Variants in ESCO1 observed in about 807,000 individuals in gnomAD.
ESCO1 encodes establishment of sister chromatid cohesion N-acetyltransferase 1, also known as N-acetyltransferase ESCO1.
Under a neutral mutation model 83.5 loss-of-function variants are expected in ESCO1, and 33 were observed. That is an observed-to-expected ratio of 0.40 (90% CI 0.30 to 0.53). The LOEUF (loss-of-function observed/expected upper bound fraction) is 0.53, where lower values mean the gene tolerates loss of function less well. ESCO1 is among the 20% of genes least tolerant of loss of function. The pLI is 0.63. For missense variants in ESCO1, 855 were observed against 968.0 expected (o/e 0.88, Z 1.55); for synonymous variants, 332 against 324.3 (o/e 1.02, Z -0.25).
At position 21,574,796 on chromosome 18, in the gene ESCO1, AG is replaced by A; in HGVS notation, c.47del (p.Thr16IlefsTer20). On this transcript the variant is annotated frameshift_variant, in exon 4 of 12. Transcript: ENST00000269214. LOFTEE classifies it high-confidence loss of function. ...EKSKENSSKV[T>X]KKSDDKNSET... is the part of the protein sequence containing the mutation. ...CTGAATTCTTATCGTCACTTTTTTT[AG>A]TAACTTTGGAGGAATTCTCTTTTGA... is the stretch of plus-strand genomic sequence containing the variant. 6.3e-7 allele frequency: 1 copy of A among 1,599,258 alleles called. No homozygotes were observed. The highest frequency in any genetic ancestry group is 8.5e-7 in the Non-Finnish European group (1 of 1,179,092).
chr18:21,561,250 TAGTCCTAA>T (rs1410234750), intron 7 of ESCO1, among the ~76,000 whole-genome samples: 3 of 152,184 alleles, frequency 2.0e-5, no homozygotes, highest in Non-Finnish European at 4.4e-5. Flanking sequence ...ATTACAAACT[TAGTCCTAA>T]AGCCCCAAAT....
chr18:21,545,265 T>A (rs1250138366), intron 8 of ESCO1, among the ~76,000 whole-genome samples: 1 of 152,098 alleles, frequency 6.6e-6, no homozygotes, highest in South Asian at 2.1e-4. Context: ...TATAAGTCAG[T>A]AAAAATTTTA....
At chr18:21,553,801 G>A (rs532914600) in intron 8 of ESCO1, among the ~76,000 whole-genome samples, 53 of 149,880 alleles carry the variant, frequency 3.5e-4, no homozygotes, top group African/African-American at 1.3e-3. Context: ...AGGTTGCAGT[G>A]AGCCGAGATT....
At position 21,529,457 on chromosome 18, in the gene ESCO1, A is replaced by G. The variant is rs1423103493; in HGVS notation, c.*886T>C. On this transcript the variant is annotated 3_prime_UTR_variant, in exon 12 of 12. Coordinates refer to ENST00000269214, the MANE Select transcript of ESCO1 (RefSeq NM_052911.3). ...CAAAATGAAGTCCAGTAATGAGGGC[A>G]TATACTCAGTGCAGTATTTCTGAGG... 2 of 152,286 alleles carry G rather than the reference A, an allele frequency of 1.3e-5. No homozygotes were observed. Among genetic ancestry groups the G allele is most frequent in the Admixed American group, 1.3e-4 (2 of 15,286 alleles). The allele number at this position is 152,286 out of a possible 1,614,324, so 9.4% of individuals were successfully genotyped here. A position where few individuals can be genotyped will look rare whatever the true frequency, so the allele number is the denominator to read the frequency against.
At chr18:21,581,072 G>T (rs997746206) in intron 2 of ESCO1, among the ~76,000 whole-genome samples, 11 of 152,108 alleles carry the variant, frequency 7.2e-5, no homozygotes, top group Admixed American at 5.9e-4. Context: ...AGCACTTTGG[G>T]AGGCCGAGGC....
At chr18:21,547,023 T>C (rs1164646530) in intron 8 of ESCO1, among the ~76,000 whole-genome samples, 1 of 152,232 alleles carries the variant, frequency 6.6e-6, no homozygotes, top group Non-Finnish European at 1.5e-5. Context: ...CTTGGCCTGA[T>C]ATGCCTTTGC....
intron 9 of ESCO1, among the ~76,000 whole-genome samples, chr18:21,537,327 G>C (rs770403463): frequency 6.6e-6 from 1 of 152,184 alleles, no homozygotes; most frequent in Non-Finnish European, 1.5e-5. Context: ...GCTGAGGCTA[G>C]AGGAGTTCAA....
At chr18:21,534,891 T>C (rs2037814165) in intron 10 of ESCO1, among the ~76,000 whole-genome samples, 1 of 151,898 alleles carries the variant, frequency 6.6e-6, no homozygotes. Flanking sequence ...CTCAAATTGC[T>C]GGGATTACAG....
intron 7 of ESCO1, among the ~76,000 whole-genome samples, chr18:21,561,997 G>T (rs1348895278): frequency 6.6e-6 from 1 of 152,048 alleles, no homozygotes. Context: ...TCCTGCCTCA[G>T]CCTCCTGAGT....
In ESCO1 at chr18:21,554,679, G is replaced by A. The variant is rs1044106437; in HGVS notation, c.1953+6180C>T. On this transcript the variant is annotated intron_variant, in intron 8 of 11. Coordinates refer to ENST00000269214, the MANE Select transcript of ESCO1 (RefSeq NM_052911.3). ...AATCTCGGCACTTTGGGAGACGGAGGGGGCAGATCATTTGAGGTCAGAAGT... is the reference window on the plus strand; with the variant it reads ...AATCTCGGCACTTTGGGAGACGGAGAGGGCAGATCATTTGAGGTCAGAAGT... Among the ~76,000 whole-genome samples, 36 of 152,172 alleles carry A rather than the reference G, an allele frequency of 2.4e-4. 1 individual carries two copies. The highest frequency in any genetic ancestry group is 8.0e-4 in the African/African-American group (33 of 41,502).
intron 1 of ESCO1, among the ~76,000 whole-genome samples, chr18:21,586,978 T>C (rs1043968704): frequency 2.6e-5 from 4 of 152,230 alleles, no homozygotes; most frequent in Admixed American, 6.5e-5. Flanking sequence ...AGATTTTTTT[T>C]CTGCATCTAT....
At chr18:21,565,770 C>T (rs2038251344) in intron 6 of ESCO1, among the ~76,000 whole-genome samples, 1 of 151,958 alleles carries the variant, frequency 6.6e-6, no homozygotes, top group Non-Finnish European at 1.5e-5. Context: ...GACCTTCTCT[C>T]TAAAAAAAGA....
intron 9 of ESCO1, among the ~76,000 whole-genome samples, chr18:21,538,263 G>GCAACAC (rs2037861065): frequency 6.7e-6 from 1 of 148,894 alleles, no homozygotes; most frequent in African/African-American, 2.5e-5. Flanking sequence ...ACAAGCCTGG[G>GCAACAC]CAACACGGTG....
At chr18:21,553,754 G>A (rs1279577917) in intron 8 of ESCO1, among the ~76,000 whole-genome samples, 1 of 151,622 alleles carries the variant, frequency 6.6e-6, no homozygotes, top group Admixed American at 6.6e-5. Flanking sequence ...CTACTCGGGA[G>A]GCTGAGGCAG....
chr18:21,551,958 T>A (rs1271584283), intron 8 of ESCO1, among the ~76,000 whole-genome samples: 1 of 152,188 alleles, frequency 6.6e-6, no homozygotes, highest in African/African-American at 2.4e-5. Context: ...TCTACTTCAG[T>A]CTCTACTTTT....
chr18:21,534,929 G>C (rs1347905274), intron 10 of ESCO1, among the ~76,000 whole-genome samples: 2 of 151,940 alleles, frequency 1.3e-5, no homozygotes, highest in Admixed American at 6.6e-5. Flanking sequence ...TGGTGGTGTG[G>C]GCCTTTTATA....
intron 1 of ESCO1, among the ~76,000 whole-genome samples, chr18:21,585,616 C>T (rs916871188): frequency 6.6e-6 from 1 of 152,042 alleles, no homozygotes; most frequent in African/African-American, 2.4e-5. Context: ...GAGCCCAAAA[C>T]TTTGCTACTC....
intron 7 of ESCO1, among the ~76,000 whole-genome samples, chr18:21,561,928 G>C (rs2038191586): frequency 1.3e-5 from 2 of 151,610 alleles, no homozygotes; most frequent in South Asian, 4.2e-4. Flanking sequence ...ACCGAGGCTG[G>C]AGTGCAGTGG....
intron 11 of ESCO1, among the ~76,000 whole-genome samples, chr18:21,532,223 CAT>C (rs1210792474): frequency 2.0e-5 from 3 of 152,180 alleles, no homozygotes; most frequent in Non-Finnish European, 4.4e-5. Context: ...GGCCTAACAT[CAT>C]AGTTACAAAT....
Sources: gnomAD v4.1 joint callset for allele counts (sites outside exome capture counted in the v4.1 genomes callset) on GRCh38, gnomAD v4.1.1 for gene constraint, MANE v1.5 for transcripts, NCBI Gene and HGNC (gene_info 2026-07-23, HGNC 2026-07-21) for gene names.